The following RBFOX1 variants were observed in gnomAD, a reference collection of about 807,000 sequenced individuals.
The protein encoded by RBFOX1 is RNA binding fox-1 homolog 1.
Under a neutral mutation model 57.7 loss-of-function variants are expected in RBFOX1, and 8 were observed. The observed-to-expected ratio is 0.14, with a 90% CI of 0.08 to 0.25. The LOEUF is 0.25. Among genes scored for constraint, RBFOX1 ranks in the 10% least tolerant of loss-of-function variants. The probability of loss-of-function intolerance (pLI) is 1.00; values close to 1 mark genes in which losing one functional copy is unlikely to be tolerated. For synonymous variants in RBFOX1, 326 were observed against 222.4 expected, an observed-to-expected ratio of 1.47 and a Z score of -4.15; for missense variants, 611 against 548.5, an observed-to-expected ratio of 1.11 and a Z score of -1.14.
In RBFOX1 at chr16:5,795,310, T is replaced by C. The variant is rs76071091; in HGVS notation, c.319-71993T>C. ...TGTCTTCCACTTCTTCCTTCTTCTT[T>C]TTTTTTTTCTTGAAACAAGGTCTTA... On this transcript the variant is annotated intron_variant, in intron 3 of 19. Transcript: ENST00000641259. Among the ~76,000 whole-genome samples, 5 of 151,958 alleles carry C rather than the reference T, an allele frequency of 3.3e-5. No individual in the cohort carries two copies. The East Asian group carries it at 5.8e-4, about 18-fold the overall frequency.
chr16:6,554,837 C>G (rs1012274715), intron 2 of RBFOX1, among the ~76,000 whole-genome samples: 2 of 150,000 alleles, frequency 1.3e-5, no homozygotes, highest in Admixed American at 6.6e-5. Flanking sequence ...CACACAGACT[C>G]TCCCTCTCAC....
chr16:5,379,477 C>T (rs1053387980), intron 1 of RBFOX1, among the ~76,000 whole-genome samples: 1 of 147,178 alleles, frequency 6.8e-6, no homozygotes, highest in Non-Finnish European at 1.5e-5. Flanking sequence ...CTCTGAATGA[C>T]ACAGTCATTC....
At chr16:7,430,649 G>C (rs1047709906) in intron 4 of RBFOX1, among the ~76,000 whole-genome samples, 1 of 117,946 alleles carries the variant, frequency 8.5e-6, no homozygotes, top group African/African-American at 3.6e-5. Context: ...GACAGAGTGA[G>C]ACTCCATCTC....
chr16:5,705,245 T>G (rs1307061172), intron 3 of RBFOX1, among the ~76,000 whole-genome samples: 2 of 152,172 alleles, frequency 1.3e-5, no homozygotes, highest in Admixed American at 6.5e-5. Flanking sequence ...CATGTGCTAA[T>G]GGATCTCTTA....
intron 1 of RBFOX1, among the ~76,000 whole-genome samples, chr16:6,232,326 G>A (rs1330583388): frequency 6.6e-6 from 1 of 152,172 alleles, no homozygotes; most frequent in African/African-American, 2.4e-5. Flanking sequence ...TGGAATTAGG[G>A]CTGGAAAACT....
intron 5 of RBFOX1, among the ~76,000 whole-genome samples, chr16:7,578,984 C>G (rs113589387): frequency 1.3e-5 from 2 of 152,104 alleles, no homozygotes; most frequent in Non-Finnish European, 2.9e-5. Flanking sequence ...GTTACATGGT[C>G]TAGGCAAACA....
At chr16:7,340,644 C>G (rs1201404462) in intron 4 of RBFOX1, among the ~76,000 whole-genome samples, 2 of 152,350 alleles carry the variant, frequency 1.3e-5, no homozygotes, top group East Asian at 3.9e-4. Flanking sequence ...CACACCACTT[C>G]TCTTCACATC....
intron 5 of RBFOX1, among the ~76,000 whole-genome samples, chr16:7,555,472 G>C (rs1328602468): frequency 6.6e-6 from 1 of 152,182 alleles, no homozygotes; most frequent in Non-Finnish European, 1.5e-5. Flanking sequence ...GGATATAAGA[G>C]GACCCTGTGT....
chr16:7,276,922 C>T (rs556605813), intron 4 of RBFOX1, among the ~76,000 whole-genome samples: 2 of 152,212 alleles, frequency 1.3e-5, no homozygotes, highest in African/African-American at 4.8e-5. Flanking sequence ...CAGTTTGATG[C>T]GTCCCAGCAA....
chr16:6,182,966 G>A (rs555283998), intron 1 of RBFOX1, among the ~76,000 whole-genome samples: 2 of 152,210 alleles, frequency 1.3e-5, no homozygotes, highest in Non-Finnish European at 1.5e-5. Context: ...TGGGGCGAAG[G>A]ATGAAAAGAA....
chr16:7,362,150 G>A (rs2097336663), intron 4 of RBFOX1, among the ~76,000 whole-genome samples: 1 of 150,802 alleles, frequency 6.6e-6, no homozygotes, highest in Admixed American at 6.6e-5. Context: ...GTGTATGTGT[G>A]TTAGTGTATG....
In RBFOX1 at chr16:5,998,244, G is replaced by A. The variant is rs538845981; in HGVS notation, c.351+130909G>A. Among the ~76,000 whole-genome samples the A allele has an allele frequency of 1.2e-4, 19 of 152,220 alleles. No homozygotes were observed. The East Asian group carries it at 1.7e-3, about 14-fold the overall frequency. ...TCCTCTGATGTGGAAGGTTTATCCTGGATCTCTCCCTTAGATCTCTTTGAT... is the reference window on the plus strand; with the variant it reads ...TCCTCTGATGTGGAAGGTTTATCCTAGATCTCTCCCTTAGATCTCTTTGAT... On this transcript the variant is annotated intron_variant, in intron 4 of 19. Coordinates refer to the RBFOX1 transcript ENST00000641259.
chr16:6,330,778 C>T (rs142364530), intron 2 of RBFOX1, among the ~76,000 whole-genome samples: 21 of 152,254 alleles, frequency 1.4e-4, no homozygotes, highest in Middle Eastern at 3.4e-3. Flanking sequence ...TGTAAACACA[C>T]CAGCGTGTGA....
intron 4 of RBFOX1, among the ~76,000 whole-genome samples, chr16:7,183,693 G>T (rs1188029905): frequency 6.6e-6 from 1 of 152,154 alleles, no homozygotes; most frequent in East Asian, 1.9e-4. Context: ...AGAAATTTAG[G>T]AAGAGTTGAC....
chr16:7,667,583 T>C (rs981632168), intron 13 of RBFOX1, among the ~76,000 whole-genome samples: 1 of 152,204 alleles, frequency 6.6e-6, no homozygotes, highest in African/African-American at 2.4e-5. Flanking sequence ...TCAAGCTCGT[T>C]AAAAGTAGTA....
At chr16:6,288,769 G>A (rs1029830745) in intron 1 of RBFOX1, among the ~76,000 whole-genome samples, 6 of 152,104 alleles carry the variant, frequency 3.9e-5, no homozygotes, top group East Asian at 1.9e-4. Context: ...ACCTGAATAC[G>A]CCTGTATGCC....
intron 3 of RBFOX1, among the ~76,000 whole-genome samples, chr16:5,633,791 T>A (rs1257286246): frequency 1.3e-5 from 2 of 149,434 alleles, no homozygotes; most frequent in Non-Finnish European, 3.0e-5. Context: ...GGAGAATGGC[T>A]AGAACCCAGG....
At chr16:7,536,478 C>G (rs2081499219) in intron 5 of RBFOX1, among the ~76,000 whole-genome samples, 1 of 152,202 alleles carries the variant, frequency 6.6e-6, no homozygotes, top group Non-Finnish European at 1.5e-5. Flanking sequence ...CCTGTAATCT[C>G]AGCTACTCAG....
intron 1 of RBFOX1, among the ~76,000 whole-genome samples, chr16:5,423,893 C>G (rs557250558): frequency 6.6e-6 from 1 of 152,188 alleles, no homozygotes; most frequent in African/African-American, 2.4e-5. Context: ...TCAAGCATCT[C>G]AGAGTAGTTT....
Sources: allele counts gnomAD v4.1 joint callset (sites outside exome capture counted in the v4.1 genomes callset), GRCh38; gene constraint gnomAD v4.1.1; transcripts MANE v1.5; gene names NCBI Gene and HGNC (gene_info 2026-07-23, HGNC 2026-07-21).